DRC11: variants seen among roughly 807,000 people sequenced by gnomAD.
DRC11 encodes the protein IQ and AAA domain-containing protein 1.
At chr2:236,493,440 C>A in the DRC11 span, among the ~76,000 whole-genome samples, 2 of 152,312 alleles carry the variant, frequency 1.3e-5, no homozygotes, top group South Asian at 4.1e-4. Flanking sequence ...AATTATTTTA[C>A]ATGAACAACA....
chr2:236,346,288 C>T, the DRC11 span, among the ~76,000 whole-genome samples: 4 of 152,230 alleles, frequency 2.6e-5, no homozygotes, highest in African/African-American at 9.6e-5. Flanking sequence ...AGCCAGCACA[C>T]ACCTGGCGCT....
At chr2:236,330,853 C>T in the DRC11 span, among the ~76,000 whole-genome samples, 1 of 152,070 alleles carries the variant, frequency 6.6e-6, no homozygotes, top group East Asian at 1.9e-4. The surrounding 1 kb of genome is among the most constrained non-coding windows in gnomAD (Gnocchi z 5.5). Flanking sequence ...CCTTCAGATC[C>T]AAAAAGTTCT....
the DRC11 span, chr2:236,497,058 G>T: frequency 1.1e-6 from 1 of 914,068 alleles, no homozygotes; most frequent in South Asian, 1.8e-5. This position sits in a 1 kb window ranked among gnomAD's most constrained non-coding sequence, Gnocchi z 5.1. Context: ...ACACCAACTA[G>T]TAAACACGGA....
the DRC11 span, among the ~76,000 whole-genome samples, chr2:236,459,482 AATATGTATACGTAT>A: frequency 1.4e-5 from 2 of 142,456 alleles, no homozygotes; most frequent in Admixed American, 7.0e-5. Flanking sequence ...GTAATTAAAA[AATATGTATACGTAT>A]ATATGTATAC....
chr2:236,388,200 C>T, the DRC11 span, among the ~76,000 whole-genome samples: 1 of 151,906 alleles, frequency 6.6e-6, no homozygotes, highest in African/African-American at 2.4e-5. Flanking sequence ...TGAATCTGAA[C>T]GTTGACCTGC....
the DRC11 span, among the ~76,000 whole-genome samples, chr2:236,413,976 G>A: frequency 6.6e-6 from 1 of 152,228 alleles, no homozygotes; most frequent in Non-Finnish European, 1.5e-5. This position sits in a 1 kb window ranked among gnomAD's most constrained non-coding sequence, Gnocchi z 4.0. Context: ...TCAGTTAGCA[G>A]AAAATGTCCT....
the DRC11 span, among the ~76,000 whole-genome samples, chr2:236,356,578 A>G: frequency 2.0e-5 from 3 of 152,154 alleles, no homozygotes; most frequent in Non-Finnish European, 4.4e-5. Context: ...GTTGACATTC[A>G]GCACTCTGAG....
the DRC11 span, among the ~76,000 whole-genome samples, chr2:236,322,679 A>G: frequency 2.0e-4 from 31 of 152,324 alleles, no homozygotes; most frequent in African/African-American, 7.0e-4. Flanking sequence ...GTGTGCTAGG[A>G]AAAAGGGAGT....
At chr2:236,338,065 AGGTGCACACACCCCACCG>A in the DRC11 span, 1 of 697,030 alleles carries the variant, frequency 1.4e-6, no homozygotes, top group African/African-American at 1.8e-5. Context: ...TGTTGGGTGC[AGGTGCACACACCCCACCG>A]GGTGCAGGCT....
chr2:236,355,469 G>A, the DRC11 span, among the ~76,000 whole-genome samples: 14 of 152,218 alleles, frequency 9.2e-5, no homozygotes, highest in Non-Finnish European at 1.6e-4. Flanking sequence ...GCACGCAGTG[G>A]AAGGTGAGCC....
chr2:236,417,728 T>C, the DRC11 span, among the ~76,000 whole-genome samples: 1 of 151,968 alleles, frequency 6.6e-6, no homozygotes, highest in African/African-American at 2.4e-5. Flanking sequence ...TCTCTCCCCT[T>C]GCCCCCCATC....
chr2:236,332,089 G>A, the DRC11 span: 4 of 160,984 alleles, frequency 2.5e-5, no homozygotes, highest in East Asian at 6.9e-4. This position sits in a 1 kb window ranked among gnomAD's most constrained non-coding sequence, Gnocchi z 5.1. Flanking sequence ...CTACTGCCAG[G>A]GTCAGTTCCC....
chr2:236,408,438 C>G, the DRC11 span: 1 of 740,320 alleles, frequency 1.4e-6, no homozygotes, highest in Non-Finnish European at 2.5e-6. This position sits in a 1 kb window ranked among gnomAD's most constrained non-coding sequence, Gnocchi z 5.5. Context: ...TCTCATCCTG[C>G]CCAAACACTT....
At chr2:236,321,423 G>A in the DRC11 span, among the ~76,000 whole-genome samples, 13 of 152,222 alleles carry the variant, frequency 8.5e-5, no homozygotes, top group Admixed American at 2.0e-4. Context: ...TTCTAATGGC[G>A]TGTTACCATT....
chr2:236,373,433 C>T, the DRC11 span, among the ~76,000 whole-genome samples: 3 of 151,836 alleles, frequency 2.0e-5, no homozygotes, highest in East Asian at 3.9e-4. Flanking sequence ...GTAATTTTTG[C>T]AGAGATGGTG....
the DRC11 span, among the ~76,000 whole-genome samples, chr2:236,311,462 C>T: frequency 2.6e-5 from 4 of 152,238 alleles, no homozygotes; most frequent in Non-Finnish European, 4.4e-5. The surrounding 1 kb of genome is among the most constrained non-coding windows in gnomAD (Gnocchi z 6.9). Flanking sequence ...TGTCCTTCAC[C>T]TTCCCTATCT....
the DRC11 span, among the ~76,000 whole-genome samples, chr2:236,362,208 TTAACC>T: frequency 6.6e-6 from 1 of 152,094 alleles, no homozygotes; most frequent in Non-Finnish European, 1.5e-5. This position sits in a 1 kb window ranked among gnomAD's most constrained non-coding sequence, Gnocchi z 5.7. Flanking sequence ...AAATATGAAA[TTAACC>T]TAAACAATGA....
the DRC11 span, among the ~76,000 whole-genome samples, chr2:236,406,495 C>T: frequency 6.6e-6 from 1 of 152,114 alleles, no homozygotes; most frequent in African/African-American, 2.4e-5. This position sits in a 1 kb window ranked among gnomAD's most constrained non-coding sequence, Gnocchi z 4.7. Context: ...CTGTTCTCAG[C>T]GGCTTTCAGA....
the DRC11 span, among the ~76,000 whole-genome samples, chr2:236,414,207 G>A: frequency 2.2e-4 from 34 of 152,088 alleles, no homozygotes; most frequent in East Asian, 6.2e-3. Flanking sequence ...GGGTCTTTCA[G>A]AGAGCAACAG....
Sources: gnomAD v4.1 joint callset for allele counts (sites outside exome capture counted in the v4.1 genomes callset) on GRCh38, gnomAD v4.1.1 for gene constraint, Gnocchi (gnomAD v3.1) non-coding constraint, MANE v1.5 for transcripts, NCBI Gene and HGNC (gene_info 2026-07-23, HGNC 2026-07-21) for gene names.